Variants in ASCC1 observed in about 807,000 individuals in gnomAD.
ASCC1 encodes the protein ASC-1 complex subunit P50.
Under a neutral mutation model 46.6 loss-of-function variants are expected in ASCC1, and 35 were observed. That is an observed-to-expected ratio of 0.75 (90% CI 0.57 to 0.99). The LOEUF is 0.99. ASCC1 is among the 50% of genes least tolerant of loss of function. The pLI is 0.00. For synonymous variants in ASCC1, 143 were observed against 146.6 expected, an observed-to-expected ratio of 0.98 and a Z score of 0.18; for missense variants, 376 against 428.7, an observed-to-expected ratio of 0.88 and a Z score of 1.09.
At position 72,210,770 on chromosome 10, in the gene ASCC1, T is replaced by C; in HGVS notation, c.174A>G (p.Gly58=). Residue 58 remains glycine, a synonymous_variant, in exon 3 of 10, where the codon GGA becomes GGG. Transcript: ENST00000672957. ...TGGGGGCCCTCAAAGTAGACCGGAA[T>C]CCTTGTGGGGTCTGCTCCACCTCGT... The part of the protein sequence containing the change: ...DAYEVEQTPQ[G]FRSTLRAPSL... 1.2e-6 allele frequency: 2 copies of C among 1,614,130 alleles called. No individual in the cohort carries two copies. The highest frequency in any genetic ancestry group is 1.7e-6 in the Non-Finnish European group (2 of 1,180,020).
chr10:72,154,568 T>G (rs1241425840), intron 6 of ASCC1, among the ~76,000 whole-genome samples: 2 of 151,938 alleles, frequency 1.3e-5, no homozygotes, highest in Non-Finnish European at 2.9e-5. Context: ...CTTGGCTCAT[T>G]GCAACCTCCA....
intron 5 of ASCC1, among the ~76,000 whole-genome samples, chr10:72,169,279 T>C (rs1437002691): frequency 2.0e-5 from 3 of 151,778 alleles, no homozygotes; most frequent in Non-Finnish European, 4.4e-5. Context: ...ACACAAGAAA[T>C]ACAAAAATTA....
rs186911795 is a variant in ASCC1 at position 72,212,193 on chromosome 10, G to A, written c.112+994C>T. The A allele has an allele frequency of 1.9e-3, 344 of 178,570 alleles. 1 individual carries two copies. Among genetic ancestry groups the A allele is most frequent in the Non-Finnish European group, 3.2e-3 (263 of 81,920 alleles). 11.1% of individuals were successfully genotyped at this position (178,570 alleles called of 1,614,324 possible). A position where few individuals can be genotyped will look rare whatever the true frequency, so the allele number is the denominator to read the frequency against. ...CCAGGTGTGGTGGCAGGCACCTGTA[G>A]TTCCAGCTACTGGGGAAGATGAGGC... On this transcript the variant is annotated intron_variant, in intron 2 of 9. Transcript: ENST00000672957.
intron 7 of ASCC1, among the ~76,000 whole-genome samples, chr10:72,138,227 C>T (rs1410658614): frequency 6.6e-6 from 1 of 152,190 alleles, no homozygotes; most frequent in Non-Finnish European, 1.5e-5. Context: ...AATTGCACTT[C>T]AGTTACAAAT....
chr10:72,119,677 C>T (rs1165571146), intron 9 of ASCC1, among the ~76,000 whole-genome samples: 1 of 151,774 alleles, frequency 6.6e-6, no homozygotes, highest in South Asian at 2.1e-4. Flanking sequence ...CAGTACATCA[C>T]GTCCAGATTC....
At position 72,170,366 on chromosome 10, in the gene ASCC1, C is replaced by T. The variant is rs144910820; in HGVS notation, c.490-8692G>A. On this transcript the variant is annotated intron_variant, in intron 5 of 9. Transcript: ENST00000672957. Reference sequence around the variant, plus strand: ...AGGACACATTATCACCTATGCAATGCTCCATCCAGGAATGCCTAAGTCTAC... The same window carrying T: ...AGGACACATTATCACCTATGCAATGTTCCATCCAGGAATGCCTAAGTCTAC... 2.0e-5 allele frequency among the ~76,000 whole-genome samples: 3 copies of T among 152,192 alleles called. No homozygotes were observed. In the East Asian group the frequency reaches 5.8e-4, roughly 29 times the overall value.
intron 5 of ASCC1, among the ~76,000 whole-genome samples, chr10:72,168,056 T>C (rs1850591919): frequency 6.6e-6 from 1 of 152,162 alleles, no homozygotes; most frequent in South Asian, 2.1e-4. Context: ...CCGGGCGTGG[T>C]GGCACGCGCC....
chr10:72,195,143 T>TG (rs1855189931), intron 5 of ASCC1, among the ~76,000 whole-genome samples: 2 of 106,600 alleles, frequency 1.9e-5, no homozygotes, highest in South Asian at 3.0e-4. Context: ...TGCTGTGTTT[T>TG]TTTTTTTTTT....
intron 3 of ASCC1, chr10:72,204,348 T>A: frequency 6.5e-7 from 1 of 1,541,172 alleles, no homozygotes; most frequent in African/African-American, 1.4e-5. Context: ...GACTACCCCA[T>A]GAAGACGGGA....
At chr10:72,119,817 A>C (rs1003488836) in intron 9 of ASCC1, among the ~76,000 whole-genome samples, 4 of 152,234 alleles carry the variant, frequency 2.6e-5, no homozygotes, top group African/African-American at 7.2e-5. Context: ...CATACTGGGA[A>C]CAACTATGAT....
chr10:72,128,584 TAA>T (rs1845173617), intron 8 of ASCC1, among the ~76,000 whole-genome samples: 1 of 152,192 alleles, frequency 6.6e-6, no homozygotes, highest in South Asian at 2.1e-4. Context: ...TAAAAATACA[TAA>T]GAGTTCACAC....
chr10:72,150,063 T>C (rs1428615336), intron 7 of ASCC1, among the ~76,000 whole-genome samples: 4 of 151,966 alleles, frequency 2.6e-5, no homozygotes, highest in Non-Finnish European at 5.9e-5. Flanking sequence ...TGGGCATCTG[T>C]AGTCTCAGCT....
At position 72,147,914 on chromosome 10, in the gene ASCC1, C is replaced by A. The variant is rs1847834190; in HGVS notation, c.746+4955G>T. On this transcript the variant is annotated intron_variant, in intron 7 of 9. Transcript: ENST00000672957. Reference sequence around the variant, plus strand: ...AGTGGTTCTTACGTGGTCTGTGGGTCTCTGGAGGTCTCTGAAACTCTTTTA... The same window carrying A: ...AGTGGTTCTTACGTGGTCTGTGGGTATCTGGAGGTCTCTGAAACTCTTTTA... Among the ~76,000 whole-genome samples, 3 of 152,234 alleles carry A rather than the reference C, an allele frequency of 2.0e-5. No individual in the cohort carries two copies. The South Asian group carries it at 6.2e-4, about 32-fold the overall frequency.
At chr10:72,200,476 C>G (rs1014507842) in intron 4 of ASCC1, among the ~76,000 whole-genome samples, 2 of 151,826 alleles carry the variant, frequency 1.3e-5, no homozygotes, top group African/African-American at 4.8e-5. Flanking sequence ...TGGAGAAACC[C>G]CATCTCTACT....
intron 5 of ASCC1, among the ~76,000 whole-genome samples, chr10:72,188,412 C>T (rs1375313535): frequency 6.6e-6 from 1 of 152,004 alleles, no homozygotes; most frequent in African/African-American, 2.4e-5. Flanking sequence ...AGCCACCACG[C>T]CCGACCTGGT....
intron 4 of ASCC1, chr10:72,198,650 T>C (rs1280136303): frequency 6.6e-6 from 3 of 455,922 alleles, no homozygotes; most frequent in African/African-American, 6.0e-5. Context: ...CCAGATCATT[T>C]CCTTCTCTGA....
At position 72,096,078 on chromosome 10, in the gene ASCC1, T is replaced by A; in HGVS notation, c.*1256A>T. On this transcript the variant is annotated 3_prime_UTR_variant, in exon 10 of 10. Transcript: ENST00000672957. ...CAAGTGATTTGTGCAGTCCCAATAA[T>A]AAATCTCACTGTTAGACACAGTCCT... 2 of 452,832 alleles carry A rather than the reference T, an allele frequency of 4.4e-6. No individual in the cohort carries two copies. The highest frequency in any genetic ancestry group is 8.9e-6 in the Non-Finnish European group (2 of 225,844). The allele number at this position is 452,832 out of a possible 1,614,324, so 28.1% of individuals were successfully genotyped here.
chr10:72,131,439 T>C (rs865916891), intron 8 of ASCC1, among the ~76,000 whole-genome samples: 6 of 139,324 alleles, frequency 4.3e-5, no homozygotes, highest in Non-Finnish European at 6.2e-5. Context: ...AAAATAAAAA[T>C]ACACACACAC....
chr10:72,152,567 G>A (rs1439129998), intron 7 of ASCC1, among the ~76,000 whole-genome samples: 2 of 152,074 alleles, frequency 1.3e-5, no homozygotes, highest in Non-Finnish European at 2.9e-5. Context: ...TGCAGGGTGC[G>A]CGCCTATAGT....
Sources: allele counts gnomAD v4.1 joint callset (sites outside exome capture counted in the v4.1 genomes callset), GRCh38; gene constraint gnomAD v4.1.1; transcripts MANE v1.5; gene names NCBI Gene and HGNC (gene_info 2026-07-23, HGNC 2026-07-21).